MACF1: variants seen among roughly 807,000 people sequenced by gnomAD.
MACF1 encodes the protein microtubule-actin cross-linking factor 1.
Under a neutral mutation model 854.8 loss-of-function variants are expected in MACF1, and 193 were observed. The ratio of observed to expected loss-of-function variants is 0.23; its 90% CI spans 0.20 to 0.25. The LOEUF is 0.25. MACF1 is among the 10% of genes least tolerant of loss of function. The pLI, the probability that MACF1 is intolerant of heterozygous loss-of-function variation, is 1.00. For missense variants in MACF1, 7,722 were observed against 8,929.1 expected (o/e 0.86, Z 5.45); for synonymous variants, 3,185 against 3,226.7 (o/e 0.99, Z 0.44).
chr1:39,141,042 G>A (rs1467282675), intron 2 of MACF1, among the ~76,000 whole-genome samples: 1 of 151,858 alleles, frequency 6.6e-6, no homozygotes, highest in East Asian at 1.9e-4. Flanking sequence ...GAACAGGAGG[G>A]CATAGTGATT....
rs1238811283 is a variant in MACF1 at position 39,430,042 on chromosome 1, A to G, written c.17104A>G (p.Ile5702Val). ...AGGACAGTCTCCCACAGGGGAACAG[A>G]TACCCCAGTTTCAGCAGAGACAGAA... ...SGGQSPTGEQIPQFQQRQKEL... is the reference protein window; with the variant it reads ...SGGQSPTGEQVPQFQQRQKEL... The change falls in exon 65 of 101, where the codon ATA becomes GTA. Residue 5702 changes from isoleucine to valine, a missense_variant. Around this residue, in one of 15 missense-constraint regions of MACF1, gnomAD observed 2,807 missense variants for 3,235.8 expected, o/e 0.87. Coordinates refer to ENST00000564288, the MANE Select transcript of MACF1 (RefSeq NM_001394062.1). 6.2e-7 allele frequency: 1 copy of G among 1,613,882 alleles called. No homozygotes were observed. Among genetic ancestry groups the G allele is most frequent in the Admixed American group, 1.7e-5 (1 of 59,988 alleles).
chr1:39,154,711 A>G (rs998439892), intron 2 of MACF1, among the ~76,000 whole-genome samples: 9 of 148,506 alleles, frequency 6.1e-5, no homozygotes, highest in African/African-American at 2.2e-4. Flanking sequence ...GTCCTTGAGC[A>G]GGGTAAGGGA....
chr1:39,297,693 G>A lies in MACF1; in HGVS notation c.2429G>A (p.Cys810Tyr). ...LQDSIKRKYS[C>Y]DHNTSLSRLE... ...GATTCCATTAAACGAAAATATTCCT[G>A]TGACCACAACACCAGCTTATCCCGC... Residue 810 changes from cysteine (C) to tyrosine (Y), a missense_variant, in exon 21 of 101, where the codon TGT (cysteine) becomes TAT (tyrosine). Around this residue, in one of 15 missense-constraint regions of MACF1, gnomAD observed 1,137 missense variants for 1,263.0 expected, o/e 0.90. Transcript: ENST00000564288. 1 of 1,614,114 alleles carries A rather than the reference G, an allele frequency of 6.2e-7. No individual in the cohort carries two copies. Among genetic ancestry groups the A allele is most frequent in the Non-Finnish European group, 8.5e-7 (1 of 1,180,022 alleles).
intron 68 of MACF1, 129 bp downstream of exon 68, chr1:39,433,284 A>G: frequency 1.8e-6 from 1 of 558,678 alleles, no homozygotes; most frequent in Non-Finnish European, 3.2e-6. Context: ...ATTAAAGTCC[A>G]GCTTGATGTT....
chr1:39,106,289 G>C (rs1321326832), intron 2 of MACF1, among the ~76,000 whole-genome samples: 1 of 152,136 alleles, frequency 6.6e-6, no homozygotes, highest in East Asian at 1.9e-4. Context: ...TCTCCCCGGG[G>C]GTCTGGGCCT....
intron 72 of MACF1, among the ~76,000 whole-genome samples, chr1:39,440,111 CTT>C (rs774399403): frequency 6.2e-5 from 4 of 64,568 alleles, no homozygotes; most frequent in Admixed American, 1.7e-4. Flanking sequence ...CTTTTCTTTT[CTT>C]TTTTTTTTTT....
chr1:39,119,072 A>G (rs971836913), intron 2 of MACF1, among the ~76,000 whole-genome samples: 8 of 152,336 alleles, frequency 5.3e-5, no homozygotes, highest in Non-Finnish European at 1.2e-4. Context: ...TAATCCCAGC[A>G]CTTTGGGAGG....
At chr1:39,410,215 C>G (rs535546333) in intron 58 of MACF1, 2 of 1,363,332 alleles carry the variant, frequency 1.5e-6, no homozygotes, top group East Asian at 2.3e-5. Flanking sequence ...TTGGGGGGAA[C>G]CTGTGAAAAA....
rs748810270 is a variant in MACF1, at chr1:39,452,149, T to C, written c.20419-7T>C. 1 of 1,582,986 alleles carries C rather than the reference T, an allele frequency of 6.3e-7. No individual in the cohort carries two copies. The highest frequency in any genetic ancestry group is 1.2e-5 in the South Asian group (1 of 86,172). On this transcript the variant is annotated splice_polypyrimidine_tract_variant and splice_region_variant and intron_variant, in intron 85 of 100. Transcript: ENST00000564288. Reference sequence around the variant, plus strand: ...GAACAAACAAATTCTCCTATTTTCTTTTCTAGGTTTTCCAGAAGGAACTGG... The same window carrying C: ...GAACAAACAAATTCTCCTATTTTCTCTTCTAGGTTTTCCAGAAGGAACTGG...
intron 66 of MACF1, 62 bp from the exon 67 acceptor site, chr1:39,432,473 T>A: frequency 1.3e-6 from 2 of 1,493,382 alleles, no homozygotes; most frequent in Non-Finnish European, 1.9e-6. Flanking sequence ...TTGAATAAAT[T>A]GCAGTTATGT....
At chr1:39,405,238 A>G (rs1016400756) in intron 58 of MACF1, among the ~76,000 whole-genome samples, 2 of 152,254 alleles carry the variant, frequency 1.3e-5, no homozygotes, top group East Asian at 3.8e-4. Context: ...AAAGTACCAA[A>G]GGATGGCAGT....
At chr1:39,372,831 C>T (rs1649362533) in intron 52 of MACF1, 2 of 413,702 alleles carry the variant, frequency 4.8e-6, no homozygotes, top group Non-Finnish European at 8.8e-6. Context: ...AGTTGTCCCA[C>T]TTAGAACTAT....
intron 1 of MACF1, among the ~76,000 whole-genome samples, chr1:39,211,241 T>G (rs1330015425): frequency 6.6e-6 from 1 of 152,092 alleles, no homozygotes; most frequent in African/African-American, 2.4e-5. Context: ...GTTCTGGGAT[T>G]ACATGCATGA....
intron 2 of MACF1, among the ~76,000 whole-genome samples, chr1:39,141,728 A>G (rs960820285): frequency 1.3e-5 from 2 of 152,196 alleles, no homozygotes; most frequent in African/African-American, 2.4e-5. Context: ...TTTAAAAAGT[A>G]CAAATTCAGG....
chr1:39,422,048 C>T (rs979638976), intron 58 of MACF1, among the ~76,000 whole-genome samples: 1 of 151,844 alleles, frequency 6.6e-6, no homozygotes, highest in African/African-American at 2.4e-5. Flanking sequence ...GCACTCCAGC[C>T]TGGGCGACAG....
intron 2 of MACF1, among the ~76,000 whole-genome samples, chr1:39,118,460 A>G (rs1173044375): frequency 1.3e-5 from 2 of 152,222 alleles, no homozygotes; most frequent in Admixed American, 6.5e-5. Context: ...CTTATTGTTA[A>G]TAAGTGTAAT....
intron 1 of MACF1, among the ~76,000 whole-genome samples, chr1:39,209,491 C>T (rs987771995): frequency 3.3e-5 from 5 of 152,048 alleles, no homozygotes; most frequent in African/African-American, 1.2e-4. Context: ...GTTTTCCTTA[C>T]CTGTAAAGTG....
chr1:39,390,904 G>A lies in MACF1; in HGVS notation c.15816+2246G>A, dbSNP rs188643447. Reference sequence around the variant, plus strand: ...GGGTGGATCACGAGGTCAGGAGATCGAGACCATCCTGGCTAACACGGTGAA... The same window carrying A: ...GGGTGGATCACGAGGTCAGGAGATCAAGACCATCCTGGCTAACACGGTGAA... On this transcript the variant is annotated intron_variant, in intron 58 of 100. Coordinates refer to ENST00000564288, the MANE Select transcript of MACF1 (RefSeq NM_001394062.1). Among the ~76,000 whole-genome samples, 135 of 152,154 alleles carry A rather than the reference G, an allele frequency of 8.9e-4. 1 individual carries two copies. Among genetic ancestry groups the A allele is most frequent in the African/African-American group, 3.2e-3 (133 of 41,510 alleles).
rs765065317 is a variant in MACF1 at position 39,268,997 on chromosome 1, C to T, written c.528+10969C>T. The T allele has an allele frequency of 1.2e-5, 16 of 1,287,132 alleles. No homozygotes were observed. In the South Asian group the frequency reaches 1.9e-4, roughly 15 times the overall value. 79.7% of individuals were successfully genotyped at this position (1,287,132 alleles called of 1,614,324 possible). On this transcript the variant is annotated intron_variant, in intron 6 of 100. Coordinates refer to ENST00000564288, the MANE Select transcript of MACF1 (RefSeq NM_001394062.1). ...ACTCAGCCCCCAACTCACGGGTAGT[C>T]GATCGGGGGATGATAGTACAGGTAA...
Sources: allele counts gnomAD v4.1 joint callset (sites outside exome capture counted in the v4.1 genomes callset), GRCh38; gene constraint gnomAD v4.1.1; regional missense constraint gnomAD v4.1.1; transcripts MANE v1.5; gene names NCBI Gene and HGNC (gene_info 2026-07-23, HGNC 2026-07-21).